Variants in PLXNC1 observed in about 807,000 individuals in gnomAD.
PLXNC1 encodes the protein plexin C1, also known as plexin-C1.
PLXNC1 carries 75 observed loss-of-function variants against 178.2 expected under a neutral mutation model. The ratio of observed to expected loss-of-function variants is 0.42; its 90% CI spans 0.35 to 0.51. The LOEUF (loss-of-function observed/expected upper bound fraction) is 0.51, where lower values mean the gene tolerates loss of function less well. Ranked by LOEUF, PLXNC1 falls within the 20% of genes least tolerant of loss-of-function variation. PLXNC1 has a pLI of 0.02. For missense variants in PLXNC1, 1,503 were observed against 1,984.4 expected, an observed-to-expected ratio of 0.76 and a Z score of 4.61; for synonymous variants, 790 against 779.9, an observed-to-expected ratio of 1.01 and a Z score of -0.22.
At chr12:94,239,597 C>T (rs892062598) in intron 10 of PLXNC1, among the ~76,000 whole-genome samples, 1 of 152,204 alleles carries the variant, frequency 6.6e-6, no homozygotes, top group African/African-American at 2.4e-5. Flanking sequence ...ATTATTCAGA[C>T]ACAACCCAGG....
Position 94,272,694 on chromosome 12 carries a change from C to T in PLXNC1, c.3598-6778C>T, listed in dbSNP as rs187355958. ...CCAAGGTGGGAGGATCATTTGAGCC[C>T]ACTGAATCTGGAGCATACTGGCCAC... On this transcript the variant is annotated intron_variant, in intron 21 of 30. Coordinates refer to ENST00000258526, the MANE Select transcript of PLXNC1 (RefSeq NM_005761.3). Among the ~76,000 whole-genome samples, 386 of 152,326 alleles carry T rather than the reference C, an allele frequency of 2.5e-3. 2 individuals are homozygous for T. Among genetic ancestry groups the T allele is most frequent in the African/African-American group, 8.9e-3 (369 of 41,582 alleles).
At position 94,254,872 on chromosome 12, in the gene PLXNC1, G is replaced by C; in HGVS notation, c.2967G>C (p.Arg989=). The C allele has an allele frequency of 6.2e-7, 1 of 1,611,174 alleles. No homozygotes were observed. Among genetic ancestry groups the C allele is most frequent in the East Asian group, 2.2e-5 (1 of 44,840 alleles). ...TAGAATTGCTGGAAAGCGAGCTCCGGAAAGAGATACGTGACGGTAGGCTCC... is the reference window on the plus strand; with the variant it reads ...TAGAATTGCTGGAAAGCGAGCTCCGCAAAGAGATACGTGACGGTAGGCTCC... The part of the protein sequence containing the change: ...QQLELLESEL[R]KEIRDGFAEL... Residue 989 remains arginine (R), a synonymous_variant, in exon 16 of 31, where the codon CGG becomes CGC. Coordinates refer to ENST00000258526, the MANE Select transcript of PLXNC1 (RefSeq NM_005761.3).
At chr12:94,278,238 C>A in intron 21 of PLXNC1, 1 of 357,958 alleles carries the variant, frequency 2.8e-6, no homozygotes, top group Non-Finnish European at 5.6e-6. Flanking sequence ...GCATTTCACA[C>A]CATACCCAAG....
intron 4 of PLXNC1, among the ~76,000 whole-genome samples, chr12:94,194,408 CT>C (rs1236537077): frequency 6.6e-6 from 1 of 152,182 alleles, no homozygotes; most frequent in Non-Finnish European, 1.5e-5. Flanking sequence ...AGTTTCTTAT[CT>C]CTGCCACTTC....
chr12:94,225,997 C>G (rs17241080), intron 7 of PLXNC1, among the ~76,000 whole-genome samples: 5,561 of 152,300 alleles, frequency 0.037, 139 homozygotes, highest in Non-Finnish European at 0.058. Context: ...CTCCCTTGGC[C>G]CTGTTTCCAG....
chr12:94,158,091 A>G (rs1372873353), intron 1 of PLXNC1: 2 of 152,202 alleles, frequency 1.3e-5, no homozygotes, highest in African/African-American at 4.8e-5. Context: ...TGAGAGTAAA[A>G]CAAACCTTTC....
intron 23 of PLXNC1, among the ~76,000 whole-genome samples, chr12:94,286,761 T>G (rs920130148): frequency 2.0e-5 from 3 of 152,160 alleles, no homozygotes; most frequent in African/African-American, 4.8e-5. Flanking sequence ...TTCCTCCTAC[T>G]ATCTAAACAA....
chr12:94,263,196 C>A (rs1437931627), intron 20 of PLXNC1, among the ~76,000 whole-genome samples: 1 of 152,158 alleles, frequency 6.6e-6, no homozygotes, highest in Non-Finnish European at 1.5e-5. Context: ...CCTCCTCCCC[C>A]ACCGCCTCCC....
chr12:94,198,276 G>A (rs1219249289), intron 4 of PLXNC1, among the ~76,000 whole-genome samples: 5 of 152,106 alleles, frequency 3.3e-5, no homozygotes, highest in Non-Finnish European at 5.9e-5. Flanking sequence ...GCAAACTAAC[G>A]CAGGAACAGA....
chr12:94,240,363 C>T (rs1565825312), intron 10 of PLXNC1, 122 bp from the exon 11 acceptor site: 1 of 730,548 alleles, frequency 1.4e-6, no homozygotes, highest in South Asian at 1.9e-5. Flanking sequence ...TAGTTGCCTG[C>T]AGCTGTTCTG....
At chr12:94,251,603 T>G in intron 15 of PLXNC1, 75 bp downstream of exon 15, 1 of 917,862 alleles carries the variant, frequency 1.1e-6, no homozygotes. Flanking sequence ...CTTTCAGCTT[T>G]CAGGGGCTGT....
Position 94,306,992 on chromosome 12 carries a change from G to GAAC in PLXNC1, c.*1712_*1714dup, listed in dbSNP as rs766581495. On this transcript the variant is annotated 3_prime_UTR_variant, in exon 31 of 31. Transcript: ENST00000258526. The stretch of plus-strand genomic sequence containing the variant: ...CAAAGAGGTGAAGGAGTTCATAAGA[G>GAAC]AACAACAGTAGGAAAGTTGAGAGCC... The GAAC allele has an allele frequency of 7.2e-5, 11 of 152,210 alleles. No homozygotes were observed. Among genetic ancestry groups the GAAC allele is most frequent in the Non-Finnish European group, 1.6e-4 (11 of 68,040 alleles). The allele number at this position is 152,210 out of a possible 1,614,324, so 9.4% of individuals were successfully genotyped here. A position where few individuals can be genotyped will look rare whatever the true frequency, so the allele number is the denominator to read the frequency against.
chr12:94,233,013 G>A (rs1292109178), intron 9 of PLXNC1, among the ~76,000 whole-genome samples: 2 of 152,172 alleles, frequency 1.3e-5, no homozygotes, highest in East Asian at 3.9e-4. Flanking sequence ...AGTCTGGAAA[G>A]GACTCTAATA....
In PLXNC1 at chr12:94,197,437, T is replaced by TCTCTCTCTCTC. The variant is rs1555198027; in HGVS notation, c.1439+10964_1439+10965insCTCTCTCTCTC. ...TGATAAAATGATACATTAGGCCCCTTTCTCTCTCTCTCTCTCTCTCTCTGT... is the reference window on the plus strand; with the variant it reads ...TGATAAAATGATACATTAGGCCCCTTCTCTCTCTCTCTCTCTCTCTCTCTCTCTCTCTCTGT... On this transcript the variant is annotated intron_variant, in intron 4 of 30. Coordinates refer to ENST00000258526, the MANE Select transcript of PLXNC1 (RefSeq NM_005761.3). Among the ~76,000 whole-genome samples, 837 of 148,636 alleles carry TCTCTCTCTCTC rather than the reference T, an allele frequency of 5.6e-3. 8 individuals are homozygous for TCTCTCTCTCTC. The highest frequency in any genetic ancestry group is 0.028 in the South Asian group (132 of 4,660).
At chr12:94,302,736 A>C (rs1968587924) in intron 28 of PLXNC1, among the ~76,000 whole-genome samples, 1 of 152,104 alleles carries the variant, frequency 6.6e-6, no homozygotes, top group Non-Finnish European at 1.5e-5. Flanking sequence ...GATTTGTCCA[A>C]CTCTTTCTGT....
At chr12:94,258,887 CCTGT>C (rs1565835204) in intron 17 of PLXNC1, among the ~76,000 whole-genome samples, 4 of 152,212 alleles carry the variant, frequency 2.6e-5, no homozygotes, top group South Asian at 4.1e-4. Flanking sequence ...TTAACTACCC[CCTGT>C]CTTTCAATAT....
intron 9 of PLXNC1, among the ~76,000 whole-genome samples, chr12:94,228,998 G>T (rs117668271): frequency 6.6e-6 from 1 of 152,118 alleles, no homozygotes; most frequent in Non-Finnish European, 1.5e-5. Context: ...CCATAGCAAC[G>T]ATACCATTTT....
Position 94,148,984 on chromosome 12 carries a change from C to G in PLXNC1, c.13C>G (p.Arg5Gly). Residue 5 changes from arginine (R) to glycine (G), a missense_variant, in exon 1 of 31, where the codon CGG becomes GGG. Arg to Gly is a moderately radical substitution (Grantham distance 125). Around this residue, in one of 4 missense-constraint regions of PLXNC1, gnomAD observed 176 missense variants for 180.7 expected, o/e 0.97. Coordinates refer to ENST00000258526, the MANE Select transcript of PLXNC1 (RefSeq NM_005761.3). The surrounding 1 kb of genome is among the most constrained non-coding windows in gnomAD (Gnocchi z 4.8). ...CCCCCCCAGCCCCATGGAGGTCTCC[C>G]GGAGGAAGGCGCCGCCGCGCCCCCC... MEVS[R>G]RKAPPRPPRP... 4.9e-6 allele frequency: 7 copies of G among 1,436,798 alleles called. No individual in the cohort carries two copies. The highest frequency in any genetic ancestry group is 2.7e-6 in the Non-Finnish European group (3 of 1,100,668). The allele number at this position is 1,436,798 out of a possible 1,614,324, so 89.0% of individuals were successfully genotyped here. A position where few individuals can be genotyped will look rare whatever the true frequency, so the allele number is the denominator to read the frequency against.
chr12:94,195,017 GA>G (rs1292352267), intron 4 of PLXNC1, among the ~76,000 whole-genome samples: 1 of 152,036 alleles, frequency 6.6e-6, no homozygotes, highest in African/African-American at 2.4e-5. Flanking sequence ...TCAGGCAGAA[GA>G]ATCAGCGCAG....
Sources: allele counts gnomAD v4.1 joint callset (sites outside exome capture counted in the v4.1 genomes callset), GRCh38; gene constraint gnomAD v4.1.1; regional missense constraint gnomAD v4.1.1; non-coding constraint Gnocchi (gnomAD v3.1); transcripts MANE v1.5; gene names NCBI Gene and HGNC (gene_info 2026-07-23, HGNC 2026-07-21).